The following TEX10 variants were observed in gnomAD, a reference collection of about 807,000 sequenced individuals.
The protein encoded by TEX10 is testis-expressed protein 10.
Under a neutral mutation model 104.4 loss-of-function variants are expected in TEX10, and 24 were observed. The ratio of observed to expected loss-of-function variants is 0.23; its 90% CI spans 0.17 to 0.32. The LOEUF (loss-of-function observed/expected upper bound fraction) is 0.32, where lower values mean the gene tolerates loss of function less well. Ranked by LOEUF, TEX10 falls within the 10% of genes least tolerant of loss-of-function variation. The pLI is 1.00. For missense variants in TEX10, 921 were observed against 1,083.9 expected (o/e 0.85, Z 2.11); for synonymous variants, 396 against 393.4 (o/e 1.01, Z -0.08).
At chr9:100,344,094 T>G (rs1466796290) in intron 4 of TEX10, among the ~76,000 whole-genome samples, 1 of 152,250 alleles carries the variant, frequency 6.6e-6, no homozygotes, top group South Asian at 2.1e-4. Context: ...ATAATGGTTC[T>G]TATCAAGTTA....
chr9:100,325,854 G>A (rs1164585734), intron 9 of TEX10, among the ~76,000 whole-genome samples: 1 of 151,982 alleles, frequency 6.6e-6, no homozygotes, highest in African/African-American at 2.4e-5. Context: ...GGTTAAAATG[G>A]TAAATTTTAT....
At chr9:100,318,152 G>C (rs1588169736) in intron 11 of TEX10, among the ~76,000 whole-genome samples, 1 of 152,114 alleles carries the variant, frequency 6.6e-6, no homozygotes, top group South Asian at 2.1e-4. Flanking sequence ...ACATCAAAAA[G>C]ATACCTATGT....
Position 100,321,766 on chromosome 9 carries a change from G to A in TEX10, c.1985C>T (p.Ser662Leu). 6.2e-7 allele frequency: 1 copy of A among 1,611,206 alleles called. No homozygotes were observed. Among genetic ancestry groups the A allele is most frequent in the Non-Finnish European group, 8.5e-7 (1 of 1,179,128 alleles). ...MLIGILHMRS[S>L]FSGWKYSAKD... is the part of the protein sequence containing the mutation. ...AGCTGAATACTTCCACCCAGAAAAT[G>A]ATGATCTATAAAAAACAAAGGGAGA... The change falls in exon 10 of 15, where the codon TCA becomes TTA. Residue 662 changes from serine to leucine, a missense_variant. By Grantham distance (145) the Ser-to-Leu change is moderately radical (BLOSUM62 -2). Transcript: ENST00000374902.
chr9:100,330,301 G>A (rs1834824180), intron 5 of TEX10, 132 bp from the exon 6 acceptor site: 4 of 715,248 alleles, frequency 5.6e-6, no homozygotes, highest in Admixed American at 2.3e-5. Flanking sequence ...CAAGAAGATA[G>A]GTGCATAGGC....
intron 11 of TEX10, 144 bp downstream of exon 11, chr9:100,320,121 G>A (rs985773002): frequency 8.3e-6 from 6 of 722,548 alleles, no homozygotes; most frequent in African/African-American, 7.2e-5. Context: ...CTTTTCAAAC[G>A]TACTTCTCCC....
At chr9:100,303,225 C>A (rs927431563) in intron 14 of TEX10, among the ~76,000 whole-genome samples, 1 of 152,054 alleles carries the variant, frequency 6.6e-6, no homozygotes, top group Admixed American at 6.5e-5. Flanking sequence ...TGGCATTATT[C>A]CCATTTTTAC....
Position 100,326,291 on chromosome 9 carries a change from G to T in TEX10, c.1979+11C>A. The T allele has an allele frequency of 6.2e-7, 1 of 1,611,240 alleles. No homozygotes were observed. Among genetic ancestry groups the T allele is most frequent in the South Asian group, 1.1e-5 (1 of 90,852 alleles). On this transcript the variant is annotated intron_variant, in intron 9 of 14. Transcript: ENST00000374902. The stretch of plus-strand genomic sequence containing the variant: ...TATACACTTAAAATACAGCTCACTT[G>T]AGCATGCTACCTCATGTGCAGTATC...
intron 13 of TEX10, chr9:100,307,351 A>T (rs1834167026): frequency 6.6e-6 from 1 of 152,248 alleles, no homozygotes; most frequent in Admixed American, 6.5e-5. Flanking sequence ...CTACCGTGGT[A>T]GTGCTGAGTA....
At chr9:100,326,198 G>C (rs1834700504) in intron 9 of TEX10, 104 bp downstream of exon 9, 3 of 1,185,852 alleles carry the variant, frequency 2.5e-6, no homozygotes, top group African/African-American at 1.5e-5. Context: ...AAGAGTAAAT[G>C]AAAGTAGTGT....
intron 5 of TEX10, among the ~76,000 whole-genome samples, chr9:100,334,438 A>G (rs1192020057): frequency 2.0e-5 from 3 of 152,140 alleles, no homozygotes; most frequent in African/African-American, 7.2e-5. Context: ...AGAGAAATAC[A>G]TTTTTATGGG....
chr9:100,331,222 T>C (rs1289250546), intron 5 of TEX10, among the ~76,000 whole-genome samples: 9 of 152,042 alleles, frequency 5.9e-5, no homozygotes, highest in Admixed American at 5.2e-4. Flanking sequence ...GATTGCGCCA[T>C]TGCACTCCAA....
At chr9:100,314,485 C>T (rs551629565) in intron 11 of TEX10, among the ~76,000 whole-genome samples, 82 of 152,230 alleles carry the variant, frequency 5.4e-4, no homozygotes, top group African/African-American at 1.9e-3. Flanking sequence ...TGTATGTTTC[C>T]AGGAATTTAT....
At chr9:100,308,232 A>AG (rs1306089189) in intron 13 of TEX10, among the ~76,000 whole-genome samples, 1 of 147,276 alleles carries the variant, frequency 6.8e-6, no homozygotes, top group Non-Finnish European at 1.5e-5. Context: ...TGTTAATAAA[A>AG]GAAACCTCTC....
intron 5 of TEX10, among the ~76,000 whole-genome samples, chr9:100,336,470 G>C (rs560795941): frequency 6.6e-6 from 1 of 152,106 alleles, no homozygotes; most frequent in African/African-American, 2.4e-5. Context: ...CTGTGCATGC[G>C]AGGGATCTAC....
chr9:100,328,556 T>C (rs551880655), intron 7 of TEX10, among the ~76,000 whole-genome samples: 52 of 152,334 alleles, frequency 3.4e-4, no homozygotes, highest in African/African-American at 8.9e-4. Flanking sequence ...ATGAAGATTA[T>C]TGAGATTATG....
intron 9 of TEX10, among the ~76,000 whole-genome samples, chr9:100,322,048 A>T (rs1324643491): frequency 6.6e-6 from 1 of 152,182 alleles, no homozygotes; most frequent in Non-Finnish European, 1.5e-5. Flanking sequence ...CCCATCTGAA[A>T]ATCAGACTCT....
rs759562082 is a variant in TEX10 at position 100,330,055 on chromosome 9, A to G, written c.1365T>C (p.Ser455=). The G allele has an allele frequency of 1.2e-6, 2 of 1,614,006 alleles. No individual in the cohort carries two copies. The highest frequency in any genetic ancestry group is 1.3e-5 in the African/African-American group (1 of 74,926). Residue 455 remains serine (S), a synonymous_variant, in exon 6 of 15, where the codon AGT becomes AGC. Coordinates refer to ENST00000374902, the MANE Select transcript of TEX10 (RefSeq NM_017746.4). The stretch of plus-strand genomic sequence containing the variant: ...CAAATTTCCTTATCATTTCTATCCA[A>G]CTGCAATCCTTCTGCAAAGTTGACG... The part of the protein sequence containing the change: ...ANASTLQKDC[S]WIEMIRKFVT...
rs1302573974 is a variant in TEX10 at position 100,352,903 on chromosome 9, C to T, written c.-141G>A. On this transcript the variant is annotated 5_prime_UTR_variant, in exon 1 of 15. Transcript: ENST00000374902. ...GAGCGTGTTTTCAAATAGCCTCGTC[C>T]TCACGCGGCCGCGTCTCCTTCCGCC... The T allele has an allele frequency of 3.0e-6, 3 of 991,464 alleles. No individual in the cohort carries two copies. The highest frequency in any genetic ancestry group is 1.1e-4 in the East Asian group (1 of 8,916). 61.4% of individuals were successfully genotyped at this position (991,464 alleles called of 1,614,324 possible).
At chr9:100,349,482 G>A (rs72733375) in intron 1 of TEX10, 110 bp from the exon 2 acceptor site, 95,820 of 642,216 alleles carry the variant, frequency 0.15, 8,342 homozygotes, top group Middle Eastern at 0.19. Context: ...TCGTAATCAA[G>A]AATCTGATTA....
Sources: gnomAD v4.1 joint callset for allele counts (sites outside exome capture counted in the v4.1 genomes callset) on GRCh38, gnomAD v4.1.1 for gene constraint, MANE v1.5 for transcripts, NCBI Gene and HGNC (gene_info 2026-07-23, HGNC 2026-07-21) for gene names.